The following CCDC149 variants were observed in gnomAD, a reference collection of about 807,000 sequenced individuals.
The protein encoded by CCDC149 is coiled-coil domain containing 149.
CCDC149 carries 45 observed loss-of-function variants against 59.9 expected under a neutral mutation model. That is an observed-to-expected ratio of 0.75 (90% CI 0.59 to 0.96). The LOEUF is 0.96. Ranked by LOEUF, CCDC149 falls within the 40% of genes least tolerant of loss-of-function variation. CCDC149 has a pLI of 0.00. For synonymous variants in CCDC149, 245 were observed against 260.6 expected (o/e 0.94, Z 0.58); for missense variants, 584 against 664.7 (o/e 0.88, Z 1.33).
intron 1 of CCDC149, among the ~76,000 whole-genome samples, chr4:24,931,421 C>T (rs937867452): frequency 6.6e-6 from 1 of 151,264 alleles, no homozygotes; most frequent in East Asian, 1.9e-4. Flanking sequence ...TTTGCTCCTA[C>T]TACATATCCA....
chr4:24,875,409 G>A (rs2109245150), intron 2 of CCDC149, among the ~76,000 whole-genome samples: 1 of 151,984 alleles, frequency 6.6e-6, no homozygotes, highest in South Asian at 2.1e-4. Flanking sequence ...AGATCTGTAG[G>A]CCTAGAAAGA....
intron 1 of CCDC149, chr4:24,979,928 G>C (rs551788552): frequency 7.9e-5 from 12 of 152,202 alleles, no homozygotes; most frequent in African/African-American, 1.2e-4. Context: ...GGCTTAAAAG[G>C]CTTCTTTGAT....
Position 24,807,151 on chromosome 4 carries a change from C to G in CCDC149, c.*1238G>C, listed in dbSNP as rs1714241936. The G allele has an allele frequency of 6.6e-6, 1 of 152,144 alleles. No individual in the cohort carries two copies. Among genetic ancestry groups the G allele is most frequent in the South Asian group, 2.1e-4 (1 of 4,824 alleles). 9.4% of individuals were successfully genotyped at this position (152,144 alleles called of 1,614,324 possible). On this transcript the variant is annotated 3_prime_UTR_variant, in exon 13 of 13. Coordinates refer to ENST00000635206, the MANE Select transcript of CCDC149 (RefSeq NM_001330643.2). ...TCAGAGGCATTCTGAGCTTTGGGAT[C>G]TAGTCTCAGGCTTTCCAGGGAAGGA...
intron 1 of CCDC149, among the ~76,000 whole-genome samples, chr4:24,907,103 G>A (rs1197424336): frequency 1.3e-5 from 2 of 152,182 alleles, no homozygotes; most frequent in Non-Finnish European, 2.9e-5. Flanking sequence ...CAAAATTAAG[G>A]CATTATAGCA....
chr4:24,946,926 T>C (rs1193650207), intron 1 of CCDC149, among the ~76,000 whole-genome samples: 1 of 152,198 alleles, frequency 6.6e-6, no homozygotes, highest in African/African-American at 2.4e-5. Flanking sequence ...GAACTGTGAA[T>C]TATTTCCTCT....
In CCDC149 at chr4:24,806,700, G is replaced by C. The variant is rs1398686107; in HGVS notation, c.*1689C>G. 6.5e-6 allele frequency: 1 copy of C among 153,048 alleles called. No individual in the cohort carries two copies. The highest frequency in any genetic ancestry group is 1.5e-5 in the Non-Finnish European group (1 of 68,166). 9.5% of individuals were successfully genotyped at this position (153,048 alleles called of 1,614,324 possible). On this transcript the variant is annotated 3_prime_UTR_variant, in exon 13 of 13. Transcript: ENST00000635206. ...AGAAGTTGTGGGGGTGGGCCTGGTGGGGAGGGCGATAGGCTGGGACAGAAG... is the reference window on the plus strand; with the variant it reads ...AGAAGTTGTGGGGGTGGGCCTGGTGCGGAGGGCGATAGGCTGGGACAGAAG...
chr4:24,971,067 A>AAC (rs1723954186), intron 1 of CCDC149, among the ~76,000 whole-genome samples: 1 of 152,188 alleles, frequency 6.6e-6, no homozygotes, highest in African/African-American at 2.4e-5. Flanking sequence ...CCCTTTTAGG[A>AAC]ACACAATGTT....
At chr4:24,803,840 GGCA>G (rs1713994329), downstream of CCDC149, among the ~76,000 whole-genome samples, 1 of 152,162 alleles carries the variant, frequency 6.6e-6, no homozygotes, top group African/African-American at 2.4e-5. The surrounding 1 kb of genome is among the most constrained non-coding windows in gnomAD (Gnocchi z 4.3). Flanking sequence ...TGAAATGTAA[GGCA>G]GCATGTCCAT....
intron 3 of CCDC149, among the ~76,000 whole-genome samples, chr4:24,854,061 C>A (rs987781111): frequency 2.0e-5 from 3 of 152,166 alleles, no homozygotes; most frequent in Admixed American, 2.0e-4. Context: ...TGGTGTGGCT[C>A]CATCTCACAG....
intron 2 of CCDC149, 48 bp from the exon 3 acceptor site, chr4:24,873,767 T>C: frequency 6.9e-7 from 1 of 1,445,874 alleles, no homozygotes; most frequent in Non-Finnish European, 9.7e-7. Context: ...AAAATAGATG[T>C]ACTTAGAAAC....
intron 9 of CCDC149, among the ~76,000 whole-genome samples, chr4:24,823,623 G>A (rs1715545406): frequency 6.6e-6 from 1 of 152,088 alleles, no homozygotes; most frequent in South Asian, 2.1e-4. Context: ...TTATATTCCA[G>A]AGATAGCTAC....
At chr4:24,953,551 G>A (rs1264379722) in intron 1 of CCDC149, among the ~76,000 whole-genome samples, 1 of 152,136 alleles carries the variant, frequency 6.6e-6, no homozygotes, top group Non-Finnish European at 1.5e-5. Flanking sequence ...CTGATCCTTG[G>A]CAAACAGCAA....
At chr4:24,977,284 C>A (rs1050876074) in intron 1 of CCDC149, among the ~76,000 whole-genome samples, 1 of 152,108 alleles carries the variant, frequency 6.6e-6, no homozygotes. Flanking sequence ...TCCAAGCTGG[C>A]AGGTTGGAGA....
rs369360752 is a variant in CCDC149, at chr4:24,820,162, G to GCACA, written c.1076-191_1076-188dup. On this transcript the variant is annotated intron_variant, in intron 11 of 12. Transcript: ENST00000635206. Reference sequence around the variant, plus strand: ...TTGCACCACCCTAGCCCTAACCCTTGCACACACACACACACAAAATCCTTA... The same window carrying GCACA: ...TTGCACCACCCTAGCCCTAACCCTTGCACACACACACACACACACAAAATCCTTA... 13 of 526,298 alleles carry GCACA rather than the reference G, an allele frequency of 2.5e-5. No individual in the cohort carries two copies. In the South Asian group the frequency reaches 2.9e-4, roughly 12 times the overall value. 32.6% of individuals were successfully genotyped at this position (526,298 alleles called of 1,614,324 possible).
chr4:24,941,347 A>C (rs1722948992), intron 1 of CCDC149, among the ~76,000 whole-genome samples: 1 of 152,212 alleles, frequency 6.6e-6, no homozygotes, highest in African/African-American at 2.4e-5. Context: ...TTTGAAACCG[A>C]CGAGAACAAA....
chr4:24,946,307 C>A (rs1723108623), intron 1 of CCDC149, among the ~76,000 whole-genome samples: 1 of 152,196 alleles, frequency 6.6e-6, no homozygotes, highest in Non-Finnish European at 1.5e-5. Context: ...TCCCCAGTAT[C>A]CTTCCAATAA....
chr4:24,971,845 A>T (rs28393293), intron 1 of CCDC149, among the ~76,000 whole-genome samples: 4,230 of 152,324 alleles, frequency 0.028, 174 homozygotes, highest in African/African-American at 0.096. Context: ...TCTTTGAAAC[A>T]TACTACCTAG....
chr4:24,902,661 T>C (rs548105188), intron 1 of CCDC149, among the ~76,000 whole-genome samples: 6 of 152,150 alleles, frequency 3.9e-5, no homozygotes, highest in Admixed American at 1.3e-4. Flanking sequence ...ACTGCCTACA[T>C]TAGTGTCTAA....
chr4:24,904,047 G>A (rs186087204), intron 1 of CCDC149, among the ~76,000 whole-genome samples: 4 of 152,184 alleles, frequency 2.6e-5, no homozygotes, highest in Admixed American at 1.3e-4. Flanking sequence ...TGATCCGCCC[G>A]CCTCAGCCTC....
Sources: allele counts gnomAD v4.1 joint callset (sites outside exome capture counted in the v4.1 genomes callset), GRCh38; gene constraint gnomAD v4.1.1; non-coding constraint Gnocchi (gnomAD v3.1); transcripts MANE v1.5; gene names NCBI Gene and HGNC (gene_info 2026-07-23, HGNC 2026-07-21).